Variants in CNTN4 observed in about 807,000 individuals in gnomAD.
The protein encoded by CNTN4 is contactin 4.
CNTN4 carries 77 observed loss-of-function variants against 122.5 expected under a neutral mutation model. That is an observed-to-expected ratio of 0.63 (90% CI 0.52 to 0.76). CNTN4 has a LOEUF of 0.76. Ranked by LOEUF, CNTN4 falls within the 30% of genes least tolerant of loss-of-function variation. The pLI, the probability that CNTN4 is intolerant of heterozygous loss-of-function variation, is 0.00. For missense variants in CNTN4, 1,256 were observed against 1,259.1 expected (o/e 1.00, Z 0.04); for synonymous variants, 512 against 447.0 (o/e 1.15, Z -1.83).
At chr3:2,429,253 G>A (rs890152850) in intron 3 of CNTN4, among the ~76,000 whole-genome samples, 9 of 152,110 alleles carry the variant, frequency 5.9e-5, no homozygotes, top group African/African-American at 2.2e-4. Context: ...CCTACAGATG[G>A]GATTTTGTTG....
chr3:2,417,799 A>C (rs1409800067), intron 3 of CNTN4, among the ~76,000 whole-genome samples: 2 of 152,214 alleles, frequency 1.3e-5, no homozygotes, highest in Non-Finnish European at 2.9e-5. Context: ...AATATTTGGC[A>C]CTAAAAAGAA....
chr3:2,620,202 T>G (rs1329646127), intron 4 of CNTN4, among the ~76,000 whole-genome samples: 1 of 152,150 alleles, frequency 6.6e-6, no homozygotes, highest in African/African-American at 2.4e-5. Context: ...GGTTTTGAAT[T>G]TAAGATAGGC....
intron 4 of CNTN4, among the ~76,000 whole-genome samples, chr3:2,714,833 GCTCAAACGATC>G (rs1277444363): frequency 5.3e-5 from 8 of 152,116 alleles, no homozygotes; most frequent in Non-Finnish European, 7.3e-5. Flanking sequence ...GAACTCTTGG[GCTCAAACGATC>G]CTCCTTCCTT....
chr3:2,495,660 G>A (rs917028752), intron 3 of CNTN4, among the ~76,000 whole-genome samples: 3 of 152,146 alleles, frequency 2.0e-5, no homozygotes, highest in Non-Finnish European at 2.9e-5. Context: ...ACCCTATTGT[G>A]AACTGCATAC....
chr3:2,539,827 T>C (rs888489719), intron 3 of CNTN4, among the ~76,000 whole-genome samples: 1 of 152,050 alleles, frequency 6.6e-6, no homozygotes, highest in African/African-American at 2.4e-5. Flanking sequence ...TTATGATAAC[T>C]GATATTCAGG....
chr3:2,502,538 T>A (rs2076624481), intron 3 of CNTN4, among the ~76,000 whole-genome samples: 1 of 152,126 alleles, frequency 6.6e-6, no homozygotes, highest in Non-Finnish European at 1.5e-5. Flanking sequence ...CCATCCACCA[T>A]CAGTGGATGG....
Position 2,168,324 on chromosome 3 carries a change from A to C in CNTN4, c.-145+67685A>C, listed in dbSNP as rs141815857. ...TAAATTAGCAAGGACCAAAAATATG[A>C]GCTACTTGGAAATTAAAATTAAACT... On this transcript the variant is annotated intron_variant, in intron 2 of 24. Coordinates refer to ENST00000418658, the MANE Select transcript of CNTN4 (RefSeq NM_175607.3). Among the ~76,000 whole-genome samples, 51 of 152,314 alleles carry C rather than the reference A, an allele frequency of 3.3e-4. 1 individual carries two copies. The highest frequency in any genetic ancestry group is 1.2e-3 in the African/African-American group (50 of 41,580).
At chr3:2,848,016 C>G (rs1048671111) in intron 7 of CNTN4, among the ~76,000 whole-genome samples, 1 of 152,198 alleles carries the variant, frequency 6.6e-6, no homozygotes, top group East Asian at 1.9e-4. Flanking sequence ...CCCAACACTT[C>G]GGGAGGCTGA....
intron 4 of CNTN4, among the ~76,000 whole-genome samples, chr3:2,605,185 A>G (rs575296037): frequency 6.6e-6 from 1 of 152,122 alleles, no homozygotes; most frequent in Non-Finnish European, 1.5e-5. Flanking sequence ...TTATTTTCTT[A>G]GGGACAAGTT....
intron 2 of CNTN4, among the ~76,000 whole-genome samples, chr3:2,102,311 T>C (rs2032042864): frequency 1.3e-5 from 2 of 152,202 alleles, no homozygotes. Flanking sequence ...TTTACAGTCC[T>C]GGGCAATGTA....
At chr3:2,980,091 G>T (rs1693818579) in intron 13 of CNTN4, among the ~76,000 whole-genome samples, 1 of 152,182 alleles carries the variant, frequency 6.6e-6, no homozygotes, top group Admixed American at 6.5e-5. Context: ...TTCAATGGCT[G>T]CAACTCAGAG....
chr3:2,149,008 T>C (rs1214433018), intron 2 of CNTN4, among the ~76,000 whole-genome samples: 1 of 151,898 alleles, frequency 6.6e-6, no homozygotes, highest in Admixed American at 6.6e-5. Context: ...TCTATTCTCT[T>C]ACTGCAATTT....
At chr3:2,398,684 G>C (rs72996079) in intron 3 of CNTN4, among the ~76,000 whole-genome samples, 7,920 of 152,156 alleles carry the variant, frequency 0.052, 300 homozygotes, top group Non-Finnish European at 0.078. Context: ...AAATTATCTT[G>C]ATAAGCATCT....
At chr3:2,481,779 T>C (rs1408493561) in intron 3 of CNTN4, among the ~76,000 whole-genome samples, 6 of 152,032 alleles carry the variant, frequency 3.9e-5, no homozygotes, top group Non-Finnish European at 8.8e-5. Flanking sequence ...TCTCAAAAGA[T>C]CTGATGGTTT....
At chr3:2,926,545 C>T (rs372556963) in intron 13 of CNTN4, among the ~76,000 whole-genome samples, 1 of 152,044 alleles carries the variant, frequency 6.6e-6, no homozygotes, top group East Asian at 1.9e-4. Flanking sequence ...GGTAATTATG[C>T]GTGAATCTGT....
chr3:2,329,948 A>C (rs942221362), intron 2 of CNTN4, among the ~76,000 whole-genome samples: 1 of 152,138 alleles, frequency 6.6e-6, no homozygotes, highest in Non-Finnish European at 1.5e-5. Context: ...CATAGTTATG[A>C]TTCCATTTAA....
intron 13 of CNTN4, among the ~76,000 whole-genome samples, chr3:2,955,511 G>C (rs956313296): frequency 6.6e-6 from 1 of 152,154 alleles, no homozygotes; most frequent in African/African-American, 2.4e-5. Context: ...TTCAATTCCA[G>C]AAGGACAGAG....
At chr3:2,444,331 C>T (rs191446856) in intron 3 of CNTN4, among the ~76,000 whole-genome samples, 292 of 151,902 alleles carry the variant, frequency 1.9e-3, no homozygotes, top group Middle Eastern at 6.8e-3. Flanking sequence ...GAGGCAGTGG[C>T]GACATTAGGT....
In CNTN4 at chr3:2,518,828, T is replaced by G. The variant is rs549386694; in HGVS notation, c.-88-52588T>G. ...TTTGCCTGTGGGCCTGAGACTTAAATCTACACAAAACAGACTAATAGAAGA... is the reference window on the plus strand; with the variant it reads ...TTTGCCTGTGGGCCTGAGACTTAAAGCTACACAAAACAGACTAATAGAAGA... On this transcript the variant is annotated intron_variant, in intron 3 of 24. Coordinates refer to ENST00000418658, the MANE Select transcript of CNTN4 (RefSeq NM_175607.3). Among the ~76,000 whole-genome samples the G allele has an allele frequency of 3.9e-5, 6 of 152,190 alleles. No individual in the cohort carries two copies. In the East Asian group the frequency reaches 9.7e-4, roughly 25 times the overall value.
Sources: gnomAD v4.1 joint callset for allele counts (sites outside exome capture counted in the v4.1 genomes callset) on GRCh38, gnomAD v4.1.1 for gene constraint, MANE v1.5 for transcripts, NCBI Gene and HGNC (gene_info 2026-07-23, HGNC 2026-07-21) for gene names.